Variants in KSR2 observed in about 807,000 individuals in gnomAD.
KSR2 encodes kinase suppressor of ras 2.
Under a neutral mutation model 107.8 loss-of-function variants are expected in KSR2, and 25 were observed. The ratio of observed to expected loss-of-function variants is 0.23; its 90% confidence interval spans 0.17 to 0.32. KSR2 has a LOEUF of 0.32. Among genes scored for constraint, KSR2 ranks in the 10% least tolerant of loss-of-function variants. The pLI, the probability that KSR2 is intolerant of heterozygous loss-of-function variation, is 1.00. For synonymous variants in KSR2, 480 were observed against 507.0 expected (o/e 0.95, Z 0.71); for missense variants, 887 against 1,268.9 (o/e 0.70, Z 4.57).
chr12:117,550,198 GA>G (rs1368614269), intron 9 of KSR2, among the ~76,000 whole-genome samples: 1 of 152,210 alleles, frequency 6.6e-6, no homozygotes, highest in Admixed American at 6.5e-5. Flanking sequence ...TGGCCTCCTG[GA>G]GTCACACAGA....
At chr12:117,753,979 TG>T (rs1888700228) in intron 4 of KSR2, among the ~76,000 whole-genome samples, 1 of 151,150 alleles carries the variant, frequency 6.6e-6, no homozygotes, top group South Asian at 2.1e-4. Flanking sequence ...TGTGTGTGTG[TG>T]TGTGTGTGTG....
chr12:117,630,926 C>T (rs986887590), intron 5 of KSR2, among the ~76,000 whole-genome samples: 1 of 152,116 alleles, frequency 6.6e-6, no homozygotes, highest in African/African-American at 2.4e-5. Context: ...TCTCCAAAGA[C>T]CTGAGGATTC....
chr12:117,783,409 G>A (rs1889952834), intron 3 of KSR2, among the ~76,000 whole-genome samples: 1 of 152,194 alleles, frequency 6.6e-6, no homozygotes, highest in Non-Finnish European at 1.5e-5. Context: ...TCACTTATCA[G>A]AGCCTCTGTT....
At chr12:117,682,228 T>C (rs1885392646) in intron 4 of KSR2, among the ~76,000 whole-genome samples, 1 of 150,980 alleles carries the variant, frequency 6.6e-6, no homozygotes, top group Non-Finnish European at 1.5e-5. Context: ...TGAGAACATG[T>C]AGACACAGGG....
intron 5 of KSR2, among the ~76,000 whole-genome samples, chr12:117,654,653 A>G (rs1166168537): frequency 6.6e-6 from 1 of 152,226 alleles, no homozygotes; most frequent in Admixed American, 6.5e-5. Context: ...GTTTGGCTGG[A>G]TGGTCAGGGA....
intron 5 of KSR2, among the ~76,000 whole-genome samples, chr12:117,650,898 G>C (rs1883877852): frequency 6.6e-6 from 1 of 152,206 alleles, no homozygotes; most frequent in South Asian, 2.1e-4. Context: ...TGTAGAGAAA[G>C]AGCTGAAATT....
chr12:117,926,676 C>A (rs750346346), intron 1 of KSR2, among the ~76,000 whole-genome samples: 7 of 152,232 alleles, frequency 4.6e-5, no homozygotes, highest in Non-Finnish European at 1.0e-4. Context: ...CCCCAGATGG[C>A]CTTGTTCTTG....
intron 14 of KSR2, among the ~76,000 whole-genome samples, chr12:117,512,100 G>A (rs746703837): frequency 3.3e-5 from 5 of 152,210 alleles, no homozygotes; most frequent in Non-Finnish European, 7.3e-5. Flanking sequence ...TCAAATTACA[G>A]GTTGAGATGT....
chr12:117,592,983 C>A (rs540111509), intron 5 of KSR2, among the ~76,000 whole-genome samples: 1 of 152,242 alleles, frequency 6.6e-6, no homozygotes, highest in African/African-American at 2.4e-5. Flanking sequence ...CACCCCCAAA[C>A]CTTCCCTTCA....
In KSR2 at chr12:117,465,293, A is replaced by G. The variant is rs184362733; in HGVS notation, c.*1906T>C. 6.6e-6 allele frequency: 1 copy of G among 152,278 alleles called. No individual in the cohort carries two copies. Among genetic ancestry groups the G allele is most frequent in the Admixed American group, 6.5e-5 (1 of 15,292 alleles). The allele number at this position is 152,278 out of a possible 1,614,324, so 9.4% of individuals were successfully genotyped here. A position where few individuals can be genotyped will look rare whatever the true frequency, so the allele number is the denominator to read the frequency against. On this transcript the variant is annotated 3_prime_UTR_variant, in exon 20 of 20. Transcript: ENST00000339824. ...TGGGGCTCAGGCAAACATATATAAA[A>G]TGCCTCCAAGACACACACACGTCGT...
At chr12:117,608,752 A>T (rs1285740924) in intron 5 of KSR2, among the ~76,000 whole-genome samples, 1 of 152,052 alleles carries the variant, frequency 6.6e-6, no homozygotes, top group African/African-American at 2.4e-5. Flanking sequence ...TCCTTTTTTA[A>T]TGGAGAAGGG....
intron 5 of KSR2, among the ~76,000 whole-genome samples, chr12:117,615,214 T>TAC (rs57116320): frequency 0.014 from 2,092 of 147,842 alleles, 20 homozygotes; most frequent in Non-Finnish European, 0.02. Flanking sequence ...TCTCTTCAGT[T>TAC]ACACACACAC....
intron 7 of KSR2, among the ~76,000 whole-genome samples, chr12:117,573,198 G>C (rs1879017613): frequency 6.6e-6 from 1 of 152,202 alleles, no homozygotes; most frequent in African/African-American, 2.4e-5. Context: ...GGAGGGAAGG[G>C]GGTTAGACAT....
At chr12:117,569,798 G>A (rs1374570512) in intron 7 of KSR2, among the ~76,000 whole-genome samples, 1 of 152,032 alleles carries the variant, frequency 6.6e-6, no homozygotes, top group Non-Finnish European at 1.5e-5. Context: ...GGATCACCCT[G>A]TAGTTCACCC....
At chr12:117,743,537 C>T (rs1355418199) in intron 4 of KSR2, among the ~76,000 whole-genome samples, 3 of 152,186 alleles carry the variant, frequency 2.0e-5, no homozygotes, top group Non-Finnish European at 4.4e-5. Flanking sequence ...ATGTTCCACG[C>T]GCACACACCC....
intron 5 of KSR2, among the ~76,000 whole-genome samples, chr12:117,600,992 G>GTTTA (rs1880909725): frequency 6.6e-6 from 1 of 152,116 alleles, no homozygotes; most frequent in Non-Finnish European, 1.5e-5. Context: ...CTCTAAGACT[G>GTTTA]TTTACTTACT....
At chr12:117,637,193 G>A (rs1220859662) in intron 5 of KSR2, among the ~76,000 whole-genome samples, 1 of 152,204 alleles carries the variant, frequency 6.6e-6, no homozygotes, top group Non-Finnish European at 1.5e-5. Context: ...AAGCTGGTGA[G>A]CATATAAATT....
At chr12:117,649,091 T>C (rs942574279) in intron 5 of KSR2, among the ~76,000 whole-genome samples, 2 of 152,226 alleles carry the variant, frequency 1.3e-5, no homozygotes, top group Non-Finnish European at 2.9e-5. Context: ...GGTATGCAGA[T>C]GGCATCAATA....
At chr12:117,904,372 G>A (rs1399374184) in intron 1 of KSR2, among the ~76,000 whole-genome samples, 1 of 152,148 alleles carries the variant, frequency 6.6e-6, no homozygotes, top group Admixed American at 6.5e-5. Flanking sequence ...ATAGAGTTCC[G>A]CCAGTTCTCA....
Sources: gnomAD v4.1 joint callset for allele counts (sites outside exome capture counted in the v4.1 genomes callset) on GRCh38, gnomAD v4.1.1 for gene constraint, MANE v1.5 for transcripts, NCBI Gene and HGNC (gene_info 2026-07-23, HGNC 2026-07-21) for gene names.